The following ARB2A variants were observed in gnomAD, a reference collection of about 807,000 sequenced individuals.
ARB2A encodes cotranscriptional regulator ARB2A.
the ARB2A span, among the ~76,000 whole-genome samples, chr5:94,071,445 G>A: frequency 6.6e-6 from 1 of 151,964 alleles, no homozygotes; most frequent in Middle Eastern, 3.2e-3. Context: ...CCTGTTAAGA[G>A]GGTGAAAGAC....
chr5:93,623,255 CAA>C, the ARB2A span, among the ~76,000 whole-genome samples: 63 of 123,410 alleles, frequency 5.1e-4, no homozygotes, highest in African/African-American at 7.3e-4. Context: ...TACAATAAGC[CAA>C]AAAAAAAAAA....
the ARB2A span, among the ~76,000 whole-genome samples, chr5:93,927,737 T>A: frequency 6.6e-6 from 1 of 152,168 alleles, no homozygotes; most frequent in Non-Finnish European, 1.5e-5. Context: ...AAAATGTGCA[T>A]CTTATTAGAG....
the ARB2A span, among the ~76,000 whole-genome samples, chr5:93,867,351 G>A: frequency 2.6e-5 from 4 of 152,238 alleles, no homozygotes; most frequent in South Asian, 8.3e-4. Context: ...CACCTTATGG[G>A]AGAGAGGGGA....
the ARB2A span, among the ~76,000 whole-genome samples, chr5:93,916,240 C>T: frequency 4.6e-3 from 702 of 152,186 alleles, 4 homozygotes; most frequent in Non-Finnish European, 6.5e-3. Context: ...GAAAAACAGA[C>T]AGAAGCAAAC....
the ARB2A span, among the ~76,000 whole-genome samples, chr5:93,963,308 G>A: frequency 2.6e-5 from 4 of 151,964 alleles, no homozygotes; most frequent in Non-Finnish European, 4.4e-5. Flanking sequence ...AATCTTGTCT[G>A]TAAAGGAAGA....
At chr5:93,990,966 C>T in the ARB2A span, among the ~76,000 whole-genome samples, 63 of 152,128 alleles carry the variant, frequency 4.1e-4, no homozygotes, top group Admixed American at 2.8e-3. Context: ...CTGTATGGCA[C>T]GATTCGATTG....
the ARB2A span, among the ~76,000 whole-genome samples, chr5:94,043,167 G>C: frequency 6.6e-6 from 1 of 151,974 alleles, no homozygotes; most frequent in Non-Finnish European, 1.5e-5. Flanking sequence ...AAAACTTTCA[G>C]GACTCTCATG....
At chr5:93,669,313 C>A in the ARB2A span, among the ~76,000 whole-genome samples, 21 of 152,224 alleles carry the variant, frequency 1.4e-4, no homozygotes, top group Non-Finnish European at 2.6e-4. Flanking sequence ...GGTTTCCAGA[C>A]AAATGTAACA....
chr5:93,901,491 G>T, the ARB2A span, among the ~76,000 whole-genome samples: 1 of 152,076 alleles, frequency 6.6e-6, no homozygotes, highest in Non-Finnish European at 1.5e-5. Context: ...TTGTCCAGTT[G>T]TTATGCCAAT....
chr5:93,751,345 G>A, the ARB2A span, among the ~76,000 whole-genome samples: 3 of 152,124 alleles, frequency 2.0e-5, no homozygotes, highest in East Asian at 1.9e-4. Flanking sequence ...AGATATGTAT[G>A]GCTGAAGGGG....
the ARB2A span, among the ~76,000 whole-genome samples, chr5:93,987,624 G>C: frequency 7.8e-3 from 1,183 of 152,184 alleles, 5 homozygotes; most frequent in Non-Finnish European, 0.011. Flanking sequence ...GCATATCTTT[G>C]AGAAAATATT....
At chr5:93,806,843 A>G in the ARB2A span, among the ~76,000 whole-genome samples, 3 of 151,976 alleles carry the variant, frequency 2.0e-5, no homozygotes, top group African/African-American at 7.2e-5. Context: ...TTTAACTTCT[A>G]CACTTTAACA....
chr5:93,663,310 T>C, the ARB2A span, among the ~76,000 whole-genome samples: 16 of 152,330 alleles, frequency 1.1e-4, 1 homozygote, highest in South Asian at 3.3e-3. Flanking sequence ...CATAAACTTT[T>C]CTATACAGTT....
the ARB2A span, among the ~76,000 whole-genome samples, chr5:93,691,996 G>T: frequency 2.6e-5 from 4 of 152,132 alleles, no homozygotes; most frequent in African/African-American, 9.7e-5. Context: ...GTCACCACCA[G>T]GCCTACCTTA....
chr5:93,986,987 C>T, the ARB2A span, among the ~76,000 whole-genome samples: 8 of 151,312 alleles, frequency 5.3e-5, no homozygotes, highest in South Asian at 1.5e-3. Flanking sequence ...TCCCCCTCTC[C>T]GAGAAACACC....
At chr5:93,862,061 T>C in the ARB2A span, 1 of 152,340 alleles carries the variant, frequency 6.6e-6, no homozygotes, top group East Asian at 1.9e-4. Flanking sequence ...ATATTCTTAA[T>C]CTTAAAATTA....
the ARB2A span, among the ~76,000 whole-genome samples, chr5:93,786,169 T>C: frequency 4.6e-5 from 7 of 152,218 alleles, no homozygotes; most frequent in Admixed American, 2.0e-4. Context: ...GTTGTTAACA[T>C]ATGCAGATGT....
chr5:93,729,676 A>G, the ARB2A span, among the ~76,000 whole-genome samples: 3 of 151,976 alleles, frequency 2.0e-5, no homozygotes, highest in Non-Finnish European at 4.4e-5. Flanking sequence ...TTAAAAGTTA[A>G]TAATATTTGC....
the ARB2A span, among the ~76,000 whole-genome samples, chr5:93,817,691 G>A: frequency 6.6e-6 from 1 of 152,138 alleles, no homozygotes; most frequent in Non-Finnish European, 1.5e-5. Context: ...ATTTTGACAA[G>A]GGTGCTAAGA....
Sources: gnomAD v4.1 joint callset for allele counts (sites outside exome capture counted in the v4.1 genomes callset) on GRCh38, gnomAD v4.1.1 for gene constraint, MANE v1.5 for transcripts, NCBI Gene and HGNC (gene_info 2026-07-23, HGNC 2026-07-21) for gene names.